EPB41L1: variants seen among roughly 807,000 people sequenced by gnomAD.
EPB41L1 encodes the protein band 4.1-like protein 1.
A neutral mutation model predicts 97.8 loss-of-function variants in EPB41L1; 29 were observed. The observed-to-expected ratio is 0.30, with a 90% CI of 0.22 to 0.40. The LOEUF (loss-of-function observed/expected upper bound fraction) is 0.40. Among genes scored for constraint, EPB41L1 ranks in the 10% least tolerant of loss-of-function variants. The probability of loss-of-function intolerance (pLI) is 1.00; values close to 1 mark genes in which losing one functional copy is unlikely to be tolerated. For synonymous variants in EPB41L1, 383 were observed against 459.2 expected, an observed-to-expected ratio of 0.83 and a Z score of 2.12; for missense variants, 812 against 1,162.3, an observed-to-expected ratio of 0.70 and a Z score of 4.38.
At chr20:36,221,660 G>C (rs577052445) in intron 19 of EPB41L1, among the ~76,000 whole-genome samples, 1 of 152,200 alleles carries the variant, frequency 6.6e-6, no homozygotes, top group Non-Finnish European at 1.5e-5. Context: ...GGGATAGTTT[G>C]GTAGTTTTGG....
At chr20:36,201,590 C>T (rs1957084596) in intron 14 of EPB41L1, among the ~76,000 whole-genome samples, 1 of 152,198 alleles carries the variant, frequency 6.6e-6, no homozygotes, top group African/African-American at 2.4e-5. Flanking sequence ...ATCAAGGAGG[C>T]AGGCAAAAGT....
At chr20:36,217,809 A>C (rs2063532914) in intron 17 of EPB41L1, among the ~76,000 whole-genome samples, 1 of 152,128 alleles carries the variant, frequency 6.6e-6, no homozygotes, top group African/African-American at 2.4e-5. Context: ...TGGGAGCGGC[A>C]GGGGAAAGTC....
Position 36,208,845 on chromosome 20 carries a change from TG to T in EPB41L1, c.1669-642del, listed in dbSNP as rs1343888214. ...CAGAGCCTCTACTCCCTGACTTGCC[TG>T]TGGTCCACTCATGGAGCCCAGGGTG... On this transcript the variant is annotated intron_variant, in intron 14 of 21. Coordinates refer to ENST00000338074, the MANE Select transcript of EPB41L1 (RefSeq NM_012156.2). Among the ~76,000 whole-genome samples, 6 of 152,318 alleles carry T rather than the reference TG, an allele frequency of 3.9e-5. No individual in the cohort carries two copies. The East Asian group carries it at 1.2e-3, about 29-fold the overall frequency.
intron 15 of EPB41L1, among the ~76,000 whole-genome samples, chr20:36,211,768 C>T (rs565331400): frequency 7.6e-4 from 115 of 152,176 alleles, no homozygotes; most frequent in African/African-American, 2.7e-3. Flanking sequence ...GTAGGGGAAT[C>T]GCTTGAACCT....
In EPB41L1 at chr20:36,207,835, G is replaced by C. The variant is rs947053156; in HGVS notation, c.1669-1653G>C. On this transcript the variant is annotated intron_variant, in intron 14 of 21. Transcript: ENST00000338074. This position sits in a 1 kb window ranked among gnomAD's most constrained non-coding sequence, Gnocchi z 4.9. ...CCGCTGCTCCCCGCCCATGGGGGCT[G>C]GCCGCATGCTCTGTAGTTTTTAGAA... 1 of 1,249,546 alleles carries C rather than the reference G, an allele frequency of 8.0e-7. No individual in the cohort carries two copies. Among genetic ancestry groups the C allele is most frequent in the Non-Finnish European group, 1.0e-6 (1 of 968,312 alleles). The allele number at this position is 1,249,546 out of a possible 1,614,324, so 77.4% of individuals were successfully genotyped here.
chr20:36,229,245 G>A, intron 21 of EPB41L1, 87 bp from the exon 22 acceptor site: 1 of 1,116,528 alleles, frequency 9.0e-7, no homozygotes, highest in South Asian at 1.3e-5. Flanking sequence ...TAAAACAAGT[G>A]ACAGAAGTTA....
At chr20:36,182,120 T>G in intron 5 of EPB41L1, 152 bp from the exon 6 acceptor site, 1 of 721,992 alleles carries the variant, frequency 1.4e-6, no homozygotes, top group South Asian at 1.5e-5. Flanking sequence ...TTTGCTAATC[T>G]GTCAAATGGG....
At chr20:36,146,125 C>T (rs955832512) in intron 2 of EPB41L1, among the ~76,000 whole-genome samples, 40 of 152,176 alleles carry the variant, frequency 2.6e-4, no homozygotes, top group African/African-American at 8.7e-4. Flanking sequence ...TTCTTACAAC[C>T]TTTAGTGCTT....
chr20:36,112,007 A>T (rs966799525), intron 1 of EPB41L1, among the ~76,000 whole-genome samples: 2 of 151,936 alleles, frequency 1.3e-5, no homozygotes, highest in Non-Finnish European at 2.9e-5. Context: ...CACCTTTTAA[A>T]TACCTCTTGA....
At chr20:36,173,341 TTTAG>T (rs1481780710) in intron 1 of EPB41L1, among the ~76,000 whole-genome samples, 1 of 152,172 alleles carries the variant, frequency 6.6e-6, no homozygotes, top group Non-Finnish European at 1.5e-5. Context: ...CCAGGGTTCT[TTTAG>T]TTAAATTCTG....
chr20:36,172,138 G>A (rs1488106252), intron 1 of EPB41L1, among the ~76,000 whole-genome samples: 2 of 152,102 alleles, frequency 1.3e-5, no homozygotes, highest in African/African-American at 2.4e-5. Context: ...CACCCAGGCT[G>A]GAGTGCAGTG....
At chr20:36,152,951 C>A, upstream of EPB41L1, 1 of 455,960 alleles carries the variant, frequency 2.2e-6, no homozygotes, top group Non-Finnish European at 4.4e-6. Flanking sequence ...GTCTGTCTTC[C>A]CACCTTCTGT....
chr20:36,113,065 G>T (rs528005003), intron 2 of EPB41L1, among the ~76,000 whole-genome samples: 160 of 152,300 alleles, frequency 1.1e-3, no homozygotes, highest in African/African-American at 3.7e-3. Context: ...TGCAGTGTGG[G>T]TTGGAGTTGG....
intron 2 of EPB41L1, among the ~76,000 whole-genome samples, chr20:36,149,659 T>G (rs2059969333): frequency 6.6e-6 from 1 of 152,228 alleles, no homozygotes; most frequent in Admixed American, 6.5e-5. Context: ...CTTCCCAGAA[T>G]GGTGGGTCAT....
At chr20:36,164,778 G>A (rs1359541002) in intron 1 of EPB41L1, among the ~76,000 whole-genome samples, 1 of 151,800 alleles carries the variant, frequency 6.6e-6, no homozygotes, top group Admixed American at 6.6e-5. Context: ...CTCTGCTGCC[G>A]AGGTTCAAGC....
chr20:36,103,503 T>C, intron 1 of EPB41L1, among the ~76,000 whole-genome samples: 1 of 152,168 alleles, frequency 6.6e-6, no homozygotes, highest in East Asian at 1.9e-4. Context: ...CTTGAGCAGA[T>C]CACTTCCTCT....
At chr20:36,217,697 G>C (rs1359521858) in intron 17 of EPB41L1, among the ~76,000 whole-genome samples, 1 of 152,186 alleles carries the variant, frequency 6.6e-6, no homozygotes, top group Admixed American at 6.5e-5. Context: ...TGGGAAGCCT[G>C]CTGCTGGGCC....
At position 36,229,346 on chromosome 20, in the gene EPB41L1, G is replaced by C. The variant is rs371359601; in HGVS notation, c.*6G>C. On this transcript the variant is annotated 3_prime_UTR_variant, in exon 22 of 22. Transcript: ENST00000338074. Reference sequence around the variant, plus strand: ...CTGGCTTCCAGGAATCCTGACCTCTGTGAAGAGATCCTGGCATTTCTGGTC... The same window carrying C: ...CTGGCTTCCAGGAATCCTGACCTCTCTGAAGAGATCCTGGCATTTCTGGTC... 2 of 1,603,036 alleles carry C rather than the reference G, an allele frequency of 1.2e-6. No homozygotes were observed. The highest frequency in any genetic ancestry group is 1.4e-5 in the African/African-American group (1 of 70,706).
At position 36,207,161 on chromosome 20, in the gene EPB41L1, C is replaced by T. The variant is rs1044695375; in HGVS notation, c.1669-2327C>T. 1 of 1,289,200 alleles carries T rather than the reference C, an allele frequency of 7.8e-7. No homozygotes were observed. Among genetic ancestry groups the T allele is most frequent in the Middle Eastern group, 2.1e-4 (1 of 4,694 alleles). 79.9% of individuals were successfully genotyped at this position (1,289,200 alleles called of 1,614,324 possible). A position where few individuals can be genotyped will look rare whatever the true frequency, so the allele number is the denominator to read the frequency against. On this transcript the variant is annotated intron_variant, in intron 14 of 21. Coordinates refer to ENST00000338074, the MANE Select transcript of EPB41L1 (RefSeq NM_012156.2). This position sits in a 1 kb window ranked among gnomAD's most constrained non-coding sequence, Gnocchi z 4.9. ...TCTCCAAGCCCAACCTCCCATGGGT[C>T]AGGGGAGCCTTCGGAGCTCAGGGAG...
Sources: gnomAD v4.1 joint callset for allele counts (sites outside exome capture counted in the v4.1 genomes callset) on GRCh38, gnomAD v4.1.1 for gene constraint, Gnocchi (gnomAD v3.1) non-coding constraint, MANE v1.5 for transcripts, NCBI Gene and HGNC (gene_info 2026-07-23, HGNC 2026-07-21) for gene names.